TMEM67: variants seen among roughly 807,000 people sequenced by gnomAD.
The protein encoded by TMEM67 is meckelin.
TMEM67 carries 124 observed loss-of-function variants against 136.6 expected under a neutral mutation model. The observed-to-expected ratio is 0.91, with a 90% CI of 0.78 to 1.05. The LOEUF (loss-of-function observed/expected upper bound fraction) is 1.05. Ranked by LOEUF, TMEM67 falls within the 50% of genes least tolerant of loss-of-function variation. TMEM67 has a pLI of 0.00. For synonymous variants in TMEM67, 364 were observed against 390.5 expected, an observed-to-expected ratio of 0.93 and a Z score of 0.80; for missense variants, 1,107 against 1,178.4, an observed-to-expected ratio of 0.94 and a Z score of 0.89.
chr8:93,775,695 C>T (rs1346059705), intron 7 of TMEM67, among the ~76,000 whole-genome samples: 2 of 152,142 alleles, frequency 1.3e-5, no homozygotes, highest in Non-Finnish European at 2.9e-5. Context: ...GGCCTCTGTT[C>T]TGTTCCATTG....
At chr8:93,801,617 G>A (rs923444395) in intron 21 of TMEM67, among the ~76,000 whole-genome samples, 3 of 152,022 alleles carry the variant, frequency 2.0e-5, no homozygotes, top group African/African-American at 7.2e-5. Flanking sequence ...GGCCAGGCTG[G>A]TCATAAACTC....
chr8:93,776,720 T>C (rs1813560169), intron 7 of TMEM67, among the ~76,000 whole-genome samples: 1 of 152,236 alleles, frequency 6.6e-6, no homozygotes, highest in South Asian at 2.1e-4. Flanking sequence ...TCGTGTTGGA[T>C]AAGCTTTTTG....
chr8:93,797,202 A>G lies in TMEM67; in HGVS notation c.1929A>G (p.Arg643=). 1 of 1,613,486 alleles carries G rather than the reference A, an allele frequency of 6.2e-7. No individual in the cohort carries two copies. The highest frequency in any genetic ancestry group is 8.5e-7 in the Non-Finnish European group (1 of 1,179,412). Residue 643 remains arginine, a synonymous_variant, in exon 19 of 28, where the codon CGA becomes CGG. Transcript: ENST00000453321. Reference sequence around the variant, plus strand: ...ATGTATTCTTTATTGATTGGGAGCGACCTAAAGGAAAGGTTCTTAAAGCTG... The same window carrying G: ...ATGTATTCTTTATTGATTGGGAGCGGCCTAAAGGAAAGGTTCTTAAAGCTG... ...TIDVFFIDWE[R]PKGKVLKAVE... is the part of the protein sequence containing the mutation.
chr8:93,780,979 C>G lies in TMEM67; in HGVS notation c.975C>G (p.Asn325Lys). The G allele has an allele frequency of 6.3e-7, 1 of 1,582,850 alleles. No homozygotes were observed. The highest frequency in any genetic ancestry group is 8.7e-7 in the Non-Finnish European group (1 of 1,153,284). The change falls in exon 9 of 28, where the codon AAC becomes AAG. Residue 325 changes from asparagine to lysine, a missense_variant. Physicochemically the swap from Asn to Lys is moderately conservative, Grantham distance 94. Around this residue, in one of 3 missense-constraint regions of TMEM67, gnomAD observed 925 missense variants for 1,002.4 expected, o/e 0.92. Coordinates refer to ENST00000453321, the MANE Select transcript of TMEM67 (RefSeq NM_153704.6). ...CAAATTTCAGTTTTAAAGGAGAAAA[C>G]CAGGTAAAAGTGTCTAATATCATTA... is the stretch of plus-strand genomic sequence containing the variant. ...LPTNFSFKGE[N>K]QNTKLKFVAA... is the part of the protein sequence containing the mutation.
At position 93,772,457 on chromosome 8, in the gene TMEM67, C is replaced by T; in HGVS notation, c.652-132C>T. ...TATAATAACTGACATTGGTTAAAATCAATTCTTGTATTCCTATTAGTAACT... is the reference window on the plus strand; with the variant it reads ...TATAATAACTGACATTGGTTAAAATTAATTCTTGTATTCCTATTAGTAACT... On this transcript the variant is annotated intron_variant, in intron 6 of 27. Coordinates refer to ENST00000453321, the MANE Select transcript of TMEM67 (RefSeq NM_153704.6). The T allele has an allele frequency of 5.9e-6, 4 of 679,512 alleles. No homozygotes were observed. In the South Asian group the frequency reaches 7.4e-5, roughly 13 times the overall value. The allele number at this position is 679,512 out of a possible 1,614,324, so 42.1% of individuals were successfully genotyped here.
chr8:93,770,853 GAAAATA>G (rs1813296523), intron 6 of TMEM67, among the ~76,000 whole-genome samples: 1 of 151,774 alleles, frequency 6.6e-6, no homozygotes, highest in Non-Finnish European at 1.5e-5. Context: ...CATCTCTACT[GAAAATA>G]CAAAAATTAG....
At chr8:93,828,527 G>C in the TMEM67 span, among the ~76,000 whole-genome samples, 5 of 152,130 alleles carry the variant, frequency 3.3e-5, no homozygotes, top group African/African-American at 9.7e-5. Context: ...ATTGCTTGAG[G>C]TCAAAAGTTC....
rs1342149564 is a variant in TMEM67, at chr8:93,817,833, T to A, written c.*1381T>A. Reference sequence around the variant, plus strand: ...CTTTGAAACTGCAGTTTCTGAAGGATCACAGTACAGGAATGCCTTTATAAA... The same window carrying A: ...CTTTGAAACTGCAGTTTCTGAAGGAACACAGTACAGGAATGCCTTTATAAA... On this transcript the variant is annotated 3_prime_UTR_variant, in exon 28 of 28. Coordinates refer to ENST00000453321, the MANE Select transcript of TMEM67 (RefSeq NM_153704.6). 1 of 152,186 alleles carries A rather than the reference T, an allele frequency of 6.6e-6. No individual in the cohort carries two copies. The highest frequency in any genetic ancestry group is 1.5e-5 in the Non-Finnish European group (1 of 68,048). The allele number at this position is 152,186 out of a possible 1,614,324, so 9.4% of individuals were successfully genotyped here.
intron 4 of TMEM67, among the ~76,000 whole-genome samples, chr8:93,765,009 C>T (rs940820519): frequency 2.0e-5 from 3 of 152,014 alleles, no homozygotes; most frequent in Non-Finnish European, 2.9e-5. Flanking sequence ...CATTTCTCTT[C>T]GGGTTATGCT....
chr8:93,773,450 G>A (rs1813408757), intron 7 of TMEM67, among the ~76,000 whole-genome samples: 1 of 152,168 alleles, frequency 6.6e-6, no homozygotes, highest in Non-Finnish European at 1.5e-5. Flanking sequence ...ATTTGTTGGG[G>A]TAAGGGACCA....
intron 7 of TMEM67, among the ~76,000 whole-genome samples, chr8:93,773,636 T>C (rs550376786): frequency 1.3e-5 from 2 of 152,314 alleles, no homozygotes; most frequent in South Asian, 4.1e-4. Context: ...GTTTTTCACA[T>C]GAATAACTGT....
rs527607721 is a variant in TMEM67, at chr8:93,761,132, G to A, written c.406+2556G>A. Reference sequence around the variant, plus strand: ...CAAGACCAGCCTGACGAATGTAGTCGCTATTAAAAACTCAAAATTAGCCTG... The same window carrying A: ...CAAGACCAGCCTGACGAATGTAGTCACTATTAAAAACTCAAAATTAGCCTG... On this transcript the variant is annotated intron_variant, in intron 3 of 27. Coordinates refer to ENST00000453321, the MANE Select transcript of TMEM67 (RefSeq NM_153704.6). 2.2e-4 allele frequency among the ~76,000 whole-genome samples: 33 copies of A among 152,072 alleles called. 1 individual carries two copies. Among genetic ancestry groups the A allele is most frequent in the Admixed American group, 1.2e-3 (19 of 15,260 alleles).
intron 15 of TMEM67, 147 bp from the exon 16 acceptor site, chr8:93,793,051 G>A: frequency 1.4e-6 from 1 of 718,790 alleles, no homozygotes; most frequent in Admixed American, 2.0e-5. Context: ...GATTACAGGT[G>A]TGAGCCACTG....
At chr8:93,792,425 C>T (rs1017123391) in intron 15 of TMEM67, among the ~76,000 whole-genome samples, 19 of 152,100 alleles carry the variant, frequency 1.2e-4, no homozygotes, top group Admixed American at 2.6e-4. Flanking sequence ...CCGCCCGTCT[C>T]GGCCTCCCAA....
At chr8:93,815,829 A>AAGAGAAGCCCCCTTT (rs11270257) in intron 27 of TMEM67, among the ~76,000 whole-genome samples, 2 of 151,968 alleles carry the variant, frequency 1.3e-5, no homozygotes, top group African/African-American at 4.8e-5. Context: ...CTCAGCACCA[A>AAGAGAAGCCCCCTTT]AGCTTGCAGC....
chr8:93,788,601 A>G (rs1308429727), intron 14 of TMEM67, among the ~76,000 whole-genome samples: 1 of 152,180 alleles, frequency 6.6e-6, no homozygotes, highest in Non-Finnish European at 1.5e-5. Context: ...TCTTTGCCCA[A>G]TTAAGCCAGG....
intron 1 of TMEM67, among the ~76,000 whole-genome samples, chr8:93,755,353 T>C (rs1381897023): frequency 6.6e-6 from 1 of 152,178 alleles, no homozygotes; most frequent in Non-Finnish European, 1.5e-5. Flanking sequence ...GACGTAGAAA[T>C]GTAAAATTTC....
At chr8:93,756,120 T>C (rs1812561854) in intron 2 of TMEM67, 5 of 362,536 alleles carry the variant, frequency 1.4e-5, no homozygotes, top group Admixed American at 4.3e-5. Flanking sequence ...TTTTTGTTTT[T>C]ACTCGTAGAA....
chr8:93,819,235 C>T (rs971458848), downstream of TMEM67: 5 of 432,198 alleles, frequency 1.2e-5, no homozygotes, highest in African/African-American at 8.3e-5. Flanking sequence ...GATATTAAAA[C>T]TCAGATTACT....
Sources: gnomAD v4.1 joint callset for allele counts (sites outside exome capture counted in the v4.1 genomes callset) on GRCh38, gnomAD v4.1.1 for gene constraint, gnomAD v4.1.1 regional missense constraint, MANE v1.5 for transcripts, NCBI Gene and HGNC (gene_info 2026-07-23, HGNC 2026-07-21) for gene names.